The following SI variants were observed in gnomAD, a reference collection of about 807,000 sequenced individuals.
SI encodes sucrase-isomaltase, intestinal.
A neutral mutation model predicts 253.3 loss-of-function variants in SI; 235 were observed. That is an observed-to-expected ratio of 0.93 (90% CI 0.83 to 1.03). The LOEUF (loss-of-function observed/expected upper bound fraction) is 1.03. Ranked by LOEUF, SI falls within the 50% of genes least tolerant of loss-of-function variation. The pLI is 0.00. For synonymous variants in SI, 819 were observed against 712.0 expected (o/e 1.15, Z -2.39); for missense variants, 2,442 against 2,211.1 (o/e 1.10, Z -2.09).
chr3:165,032,549 G>T lies in SI; in HGVS notation c.2709C>A (p.Ser903=), dbSNP rs773388197. 5 of 1,607,854 alleles carry T rather than the reference G, an allele frequency of 3.1e-6. No individual in the cohort carries two copies. The South Asian group carries it at 5.5e-5, about 18-fold the overall frequency. Reference sequence around the variant, plus strand: ...GGTTAGAAGCATCATAAGTGAAATTGGAATGAGCGTTCATTGGTTGATTAT... The same window carrying T: ...GGTTAGAAGCATCATAAGTGAAATTTGAATGAGCGTTCATTGGTTGATTAT... ...AENNQPMNAH[S]NFTYDASNQV... is the part of the protein sequence containing the mutation. Residue 903 remains serine (S), a synonymous_variant, in exon 24 of 48, where the codon TCC becomes TCA. Coordinates refer to ENST00000264382, the MANE Select transcript of SI (RefSeq NM_001041.4).
chr3:165,007,013 G>C, intron 36 of SI, 59 bp from the exon 37 acceptor site: 1 of 1,193,228 alleles, frequency 8.4e-7, no homozygotes, highest in African/African-American at 1.5e-5. Context: ...AATGAAACGT[G>C]TAACTCATAA....
intron 9 of SI, 73 bp downstream of exon 9, chr3:165,062,298 T>A: frequency 1.3e-6 from 1 of 778,492 alleles, no homozygotes; most frequent in East Asian, 2.6e-5. Context: ...AATAAAGTCA[T>A]CTAAATATGT....
Position 164,987,200 on chromosome 3 carries a change from A to G in SI, c.5135T>C (p.Val1712Ala). The part of the protein sequence containing the change: ...YSRQKHMKLI[V>A]AADDNQMAQG... ...TGCCATCTGATTATCATCTGCAGCA[A>G]CAATGAGCTTCATGTGTTTTTGTCG... The change falls in exon 45 of 48, where the codon GTT becomes GCT. Residue 1712 changes from valine (V) to alanine (A), a missense_variant. Val to Ala is a moderately conservative substitution (Grantham distance 64). Transcript: ENST00000264382. The G allele has an allele frequency of 6.2e-7, 1 of 1,613,744 alleles. No homozygotes were observed. The highest frequency in any genetic ancestry group is 8.5e-7 in the Non-Finnish European group (1 of 1,179,778).
At chr3:165,047,946 G>A (rs1343858747) in intron 15 of SI, among the ~76,000 whole-genome samples, 1 of 151,846 alleles carries the variant, frequency 6.6e-6, no homozygotes, top group Non-Finnish European at 1.5e-5. Context: ...GAAACAATTA[G>A]GAAATGTGTA....
At position 165,043,198 on chromosome 3, in the gene SI, A is replaced by G. The variant is rs781080490; in HGVS notation, c.1888-23T>C. 28 of 1,489,112 alleles carry G rather than the reference A, an allele frequency of 1.9e-5. 1 individual carries two copies. The highest frequency in any genetic ancestry group is 2.3e-5 in the South Asian group (2 of 87,302). 92.2% of individuals were successfully genotyped at this position (1,489,112 alleles called of 1,614,324 possible). A position where few individuals can be genotyped will look rare whatever the true frequency, so the allele number is the denominator to read the frequency against. On this transcript the variant is annotated intron_variant, in intron 16 of 47. Transcript: ENST00000264382. Reference sequence around the variant, plus strand: ...AACCTAAATAACAAATATATTTACTATTTATAATGTTAAGATTCTCAAATT... The same window carrying G: ...AACCTAAATAACAAATATATTTACTGTTTATAATGTTAAGATTCTCAAATT...
At chr3:165,011,649 T>C (rs1718772471) in intron 34 of SI, among the ~76,000 whole-genome samples, 1 of 151,788 alleles carries the variant, frequency 6.6e-6, no homozygotes, top group Non-Finnish European at 1.5e-5. Flanking sequence ...TAAAAACTGC[T>C]GTTTCTTTGT....
chr3:165,051,023 A>G lies in SI; in HGVS notation c.1513-1148T>C, dbSNP rs138701974. Reference sequence around the variant, plus strand: ...GAGACCGATGGTGTCACTCAAAGACACTAATAAAATAATTTTTTAAACACA... The same window carrying G: ...GAGACCGATGGTGTCACTCAAAGACGCTAATAAAATAATTTTTTAAACACA... On this transcript the variant is annotated intron_variant, in intron 13 of 47. Transcript: ENST00000264382. Among the ~76,000 whole-genome samples the G allele has an allele frequency of 4.8e-3, 725 of 152,200 alleles. 3 individuals carry two copies. Among genetic ancestry groups the G allele is most frequent in the Middle Eastern group, 0.024 (7 of 294 alleles).
chr3:164,997,772 TAA>T (rs1293970775), intron 38 of SI, among the ~76,000 whole-genome samples: 1 of 151,748 alleles, frequency 6.6e-6, no homozygotes, highest in Non-Finnish European at 1.5e-5. Context: ...TTAGTTTGCT[TAA>T]GATAATGGCC....
chr3:165,018,974 C>T (rs924064097), intron 28 of SI, among the ~76,000 whole-genome samples: 10 of 151,534 alleles, frequency 6.6e-5, no homozygotes, highest in Admixed American at 5.9e-4. Flanking sequence ...GTATACATCA[C>T]ATGTGAAAAA....
rs1717267881 is a variant in SI at position 164,983,022 on chromosome 3, C to T, written c.5227G>A (p.Val1743Ile). The part of the protein sequence containing the change: ...DTYERDLYLS[V>I]QFNLNQTTLT... ...CATACCTGGTTTAAATTAAATTGTA[C>T]AGATAAATATAGGTCTCTTTCATAG... The change falls in exon 46 of 48, where the codon GTA becomes ATA. Residue 1743 changes from valine (V) to isoleucine (I), a missense_variant. Physicochemically the swap from Val to Ile is conservative, Grantham distance 29 (BLOSUM62 3). Coordinates refer to ENST00000264382, the MANE Select transcript of SI (RefSeq NM_001041.4). The T allele has an allele frequency of 1.3e-6, 2 of 1,546,238 alleles. No individual in the cohort carries two copies. The highest frequency in any genetic ancestry group is 2.7e-5 in the African/African-American group (2 of 73,802).
intron 26 of SI, among the ~76,000 whole-genome samples, chr3:165,022,494 C>G (rs1711674620): frequency 6.7e-6 from 1 of 149,700 alleles, no homozygotes; most frequent in African/African-American, 2.4e-5. Context: ...ATTTGTGAAC[C>G]TTTCTTCACA....
intron 21 of SI, 106 bp downstream of exon 21, chr3:165,037,794 A>G: frequency 1.2e-6 from 1 of 807,938 alleles, no homozygotes; most frequent in East Asian, 2.7e-5. Context: ...TATGTCAAAT[A>G]TCTTCTGGTG....
intron 47 of SI, 36 bp from the exon 48 acceptor site, chr3:164,979,466 C>G (rs763986148): frequency 1.7e-6 from 2 of 1,151,856 alleles, no homozygotes; most frequent in Admixed American, 3.4e-5. Flanking sequence ...TGTTTAATCA[C>G]AACCACATTT....
At position 164,979,132 on chromosome 3, in the gene SI, T is replaced by A. The variant is rs1335568175; in HGVS notation, c.*230A>T. The A allele has an allele frequency of 2.0e-6, 1 of 488,042 alleles. No homozygotes were observed. The highest frequency in any genetic ancestry group is 3.3e-5 in the Admixed American group (1 of 30,470). 30.2% of individuals were successfully genotyped at this position (488,042 alleles called of 1,614,324 possible). A position where few individuals can be genotyped will look rare whatever the true frequency, so the allele number is the denominator to read the frequency against. ...AATTGTAGCTGATACTTAACAAGGA[T>A]AAATAGGGCTATTCAAATTTTGTTA... On this transcript the variant is annotated 3_prime_UTR_variant, in exon 48 of 48. Coordinates refer to ENST00000264382, the MANE Select transcript of SI (RefSeq NM_001041.4).
intron 46 of SI, 69 bp from the exon 47 acceptor site, chr3:164,982,479 G>A (rs1717238488): frequency 3.5e-6 from 4 of 1,153,092 alleles, no homozygotes; most frequent in Middle Eastern, 1.9e-4. Flanking sequence ...TTAAAAATAT[G>A]TCGGTTAACC....
chr3:165,025,589 A>C (rs1711868270), intron 25 of SI, among the ~76,000 whole-genome samples: 1 of 151,218 alleles, frequency 6.6e-6, no homozygotes, highest in South Asian at 2.1e-4. Context: ...AAATCTTAAG[A>C]GCTGTGAGGC....
At chr3:165,007,383 T>G (rs1212454243) in intron 36 of SI, among the ~76,000 whole-genome samples, 1 of 152,088 alleles carries the variant, frequency 6.6e-6, no homozygotes, top group Non-Finnish European at 1.5e-5. Flanking sequence ...TGTGACGTTT[T>G]CTGCCTGCAT....
intron 15 of SI, among the ~76,000 whole-genome samples, chr3:165,048,447 A>T (rs541995727): frequency 1.3e-5 from 2 of 150,956 alleles, no homozygotes. Context: ...TCCCAGGCTA[A>T]TTGTGAGATG....
chr3:165,045,672 G>A (rs371905083), intron 16 of SI, among the ~76,000 whole-genome samples: 1 of 150,786 alleles, frequency 6.6e-6, no homozygotes, highest in Non-Finnish European at 1.5e-5. Flanking sequence ...ACTGTTCAGC[G>A]TTTCTTTCTT....
Sources: gnomAD v4.1 joint callset for allele counts (sites outside exome capture counted in the v4.1 genomes callset) on GRCh38, gnomAD v4.1.1 for gene constraint, MANE v1.5 for transcripts, NCBI Gene and HGNC (gene_info 2026-07-23, HGNC 2026-07-21) for gene names.